Variants in FRRS1 observed in about 807,000 individuals in gnomAD.
FRRS1 encodes ferric chelate reductase 1.
Under a neutral mutation model 70.7 loss-of-function variants are expected in FRRS1, and 51 were observed. That is an observed-to-expected ratio of 0.72 (90% CI 0.58 to 0.91). The LOEUF is 0.91. FRRS1 is among the 40% of genes least tolerant of loss of function. FRRS1 has a pLI of 0.00. For synonymous variants in FRRS1, 225 were observed against 238.7 expected, an observed-to-expected ratio of 0.94 and a Z score of 0.53; for missense variants, 672 against 726.0, an observed-to-expected ratio of 0.93 and a Z score of 0.86.
rs1655174183 is a variant in FRRS1 at position 99,728,454 on chromosome 1, AAAAAGACACTTG to A, written c.1006+27_1006+38del. The A allele has an allele frequency of 2.0e-6, 3 of 1,514,292 alleles. No individual in the cohort carries two copies. The African/African-American group carries it at 4.1e-5, about 21-fold the overall frequency. 93.8% of individuals were successfully genotyped at this position (1,514,292 alleles called of 1,614,324 possible). A position where few individuals can be genotyped will look rare whatever the true frequency, so the allele number is the denominator to read the frequency against. ...GGGGGAAAGAGAGGGAAGAAGAGAG[AAAAAGACACTTG>A]AAAAGACAGCTTAACAATATACTTA... On this transcript the variant is annotated intron_variant, in intron 9 of 16. Transcript: ENST00000646001.
chr1:99,739,740 A>G (rs4907888), intron 6 of FRRS1, among the ~76,000 whole-genome samples: 75,153 of 152,118 alleles, frequency 0.49, 22,574 homozygotes, highest in African/African-American at 0.85. Flanking sequence ...ACTAAGAGCT[A>G]AATATTATTA....
At chr1:99,741,516 G>T (rs541587203) in intron 5 of FRRS1, among the ~76,000 whole-genome samples, 1 of 152,282 alleles carries the variant, frequency 6.6e-6, no homozygotes, top group Non-Finnish European at 1.5e-5. Context: ...CACCCCTCAG[G>T]AATCATTAGA....
intron 7 of FRRS1, 25 bp downstream of exon 7, chr1:99,738,061 A>G: frequency 1.3e-6 from 2 of 1,568,788 alleles, no homozygotes; most frequent in Non-Finnish European, 1.7e-6. Flanking sequence ...TTTTGTTACC[A>G]CTTATGTAAG....
chr1:99,758,869 C>T (rs561330527), intron 1 of FRRS1, among the ~76,000 whole-genome samples: 3 of 152,032 alleles, frequency 2.0e-5, no homozygotes, highest in South Asian at 4.2e-4. Flanking sequence ...TATAAATGGC[C>T]GCTCTGGGAA....
At chr1:99,750,023 T>C (rs1331772635) in intron 1 of FRRS1, among the ~76,000 whole-genome samples, 3 of 152,266 alleles carry the variant, frequency 2.0e-5, no homozygotes, top group African/African-American at 7.2e-5. Context: ...TAGAAAAAAT[T>C]ATTGTTTTTT....
chr1:99,713,091 A>G (rs1654352254), intron 12 of FRRS1, among the ~76,000 whole-genome samples: 2 of 152,246 alleles, frequency 1.3e-5, no homozygotes. Flanking sequence ...CAGCAACAAG[A>G]TTCTTGCATG....
At chr1:99,741,035 G>C (rs1655934819) in intron 5 of FRRS1, 95 bp from the exon 6 acceptor site, 1 of 1,145,082 alleles carries the variant, frequency 8.7e-7, no homozygotes, top group Non-Finnish European at 1.3e-6. Context: ...GACTAAACTA[G>C]AAAAACATGA....
chr1:99,755,672 C>T (rs576908879), intron 1 of FRRS1, among the ~76,000 whole-genome samples: 1 of 152,212 alleles, frequency 6.6e-6, no homozygotes, highest in East Asian at 1.9e-4. Context: ...TCAACCAAGT[C>T]ACTAAATCTG....
At chr1:99,742,097 C>T (rs1034220836) in intron 5 of FRRS1, 82 bp downstream of exon 5, 3 of 832,932 alleles carry the variant, frequency 3.6e-6, no homozygotes, top group Non-Finnish European at 6.1e-6. Context: ...TCAAGTGATC[C>T]ACCACCTTGG....
chr1:99,748,831 C>G, intron 2 of FRRS1, 63 bp from the exon 3 acceptor site: 1 of 1,231,098 alleles, frequency 8.1e-7, no homozygotes, highest in Non-Finnish European at 1.1e-6. Context: ...AGCTTTTACA[C>G]AACTGGACCA....
At chr1:99,738,011 G>T in intron 7 of FRRS1, 75 bp downstream of exon 7, 2 of 1,252,528 alleles carry the variant, frequency 1.6e-6, no homozygotes, top group Admixed American at 2.1e-5. Context: ...AAAGTGCTGG[G>T]ATTACAGGCA....
rs1190488057 is a variant in FRRS1, at chr1:99,707,261, A to C, written c.*1767T>G. On this transcript the variant is annotated 3_prime_UTR_variant, in exon 17 of 17. Transcript: ENST00000646001. ...AAATATAAAAAAGAAATAATGAGAA[A>C]ATTTTTGAAAAATATTAATAAAATA... Among the ~76,000 whole-genome samples, 1 of 152,008 alleles carries C rather than the reference A, an allele frequency of 6.6e-6. No individual in the cohort carries two copies. Among genetic ancestry groups the C allele is most frequent in the Non-Finnish European group, 1.5e-5 (1 of 67,994 alleles).
rs1225227011 is a variant in FRRS1, at chr1:99,738,009, G to A, written c.759+77C>T. On this transcript the variant is annotated intron_variant, in intron 7 of 16. Coordinates refer to ENST00000646001, the MANE Select transcript of FRRS1 (RefSeq NM_001361041.2). The stretch of plus-strand genomic sequence containing the variant: ...ACCTGCCTCGGCCTCCCAAAGTGCT[G>A]GGATTACAGGCATGAGCCACCATGC... The A allele has an allele frequency of 3.3e-6, 4 of 1,226,174 alleles. No homozygotes were observed. In the African/African-American group the frequency reaches 6.4e-5, roughly 20 times the overall value. 76.0% of individuals were successfully genotyped at this position (1,226,174 alleles called of 1,614,324 possible).
intron 7 of FRRS1, among the ~76,000 whole-genome samples, chr1:99,730,749 C>T (rs1403970905): frequency 3.9e-5 from 6 of 152,034 alleles, no homozygotes; most frequent in Non-Finnish European, 8.8e-5. Flanking sequence ...CGCCTGTAGT[C>T]CCAGCTACTC....
intron 1 of FRRS1, among the ~76,000 whole-genome samples, chr1:99,752,181 A>T (rs1033125723): frequency 1.3e-5 from 2 of 152,196 alleles, no homozygotes; most frequent in Non-Finnish European, 2.9e-5. Flanking sequence ...CTTATCATTC[A>T]TATGTTCACT....
chr1:99,748,797 T>G, intron 2 of FRRS1, 29 bp from the exon 3 acceptor site: 6 of 1,532,122 alleles, frequency 3.9e-6, no homozygotes, highest in Non-Finnish European at 5.3e-6. Context: ...AGCCCATTAT[T>G]GTCATATATA....
chr1:99,758,435 T>C (rs1656950484), intron 1 of FRRS1, among the ~76,000 whole-genome samples: 1 of 152,212 alleles, frequency 6.6e-6, no homozygotes, highest in Admixed American at 6.5e-5. Flanking sequence ...CAGAGGAACA[T>C]AAATTGTGAA....
chr1:99,750,747 G>C (rs1656531644), intron 1 of FRRS1, among the ~76,000 whole-genome samples: 1 of 151,856 alleles, frequency 6.6e-6, no homozygotes, highest in African/African-American at 2.4e-5. Context: ...AACAAATGTG[G>C]AATCGGAATT....
Position 99,719,566 on chromosome 1 carries a change from C to G in FRRS1, c.1088G>C (p.Gly363Ala). 6.2e-7 allele frequency: 1 copy of G among 1,603,036 alleles called. No homozygotes were observed. Among genetic ancestry groups the G allele is most frequent in the Admixed American group, 1.7e-5 (1 of 59,940 alleles). ...DVTDSPKNIG[G>A]SHSVLLLKVH... is the part of the protein sequence containing the mutation. ...CTTCAGAAGGAGTACAGAATGGGAT[C>G]CTCCTATGTTCTTTGGAGAGTCTGT... The change falls in exon 10 of 17, where the codon GGA becomes GCA. Residue 363 changes from glycine to alanine, a missense_variant. Physicochemically the swap from Gly to Ala is moderately conservative, Grantham distance 60 (BLOSUM62 0). Coordinates refer to ENST00000646001, the MANE Select transcript of FRRS1 (RefSeq NM_001361041.2).
Sources: gnomAD v4.1 joint callset for allele counts (sites outside exome capture counted in the v4.1 genomes callset) on GRCh38, gnomAD v4.1.1 for gene constraint, MANE v1.5 for transcripts, NCBI Gene and HGNC (gene_info 2026-07-23, HGNC 2026-07-21) for gene names.